Variants in HDAC9 observed in about 807,000 individuals in gnomAD.
HDAC9 encodes the protein MEF-2 interacting transcription repressor (MITR) protein.
HDAC9 carries 41 observed loss-of-function variants against 139.4 expected under a neutral mutation model. That is an observed-to-expected ratio of 0.29 (90% CI 0.23 to 0.38). HDAC9 has a LOEUF of 0.38. Among genes scored for constraint, HDAC9 ranks in the 10% least tolerant of loss-of-function variants. The probability of loss-of-function intolerance (pLI) is 1.00; values close to 1 mark genes in which losing one functional copy is unlikely to be tolerated. For missense variants in HDAC9, 1,147 were observed against 1,297.0 expected (o/e 0.88, Z 1.78); for synonymous variants, 517 against 476.2 (o/e 1.09, Z -1.12).
At chr7:18,098,329 T>C (rs1029844965) in intron 1 of HDAC9, among the ~76,000 whole-genome samples, 2 of 152,238 alleles carry the variant, frequency 1.3e-5, no homozygotes, top group Admixed American at 6.5e-5. Context: ...TTAATTCTTA[T>C]AACAGTATTG....
Position 18,147,507 on chromosome 7 carries a change from C to A in HDAC9, c.-96-14722C>A, listed in dbSNP as rs201011631. 4.6e-5 allele frequency among the ~76,000 whole-genome samples: 7 copies of A among 152,130 alleles called. No individual in the cohort carries two copies. The East Asian group carries it at 1.2e-3, about 25-fold the overall frequency. On this transcript the variant is annotated intron_variant, in intron 1 of 12. Transcript: ENST00000417496. ...GCTGGTGGACACATGGAAAATACAT[C>A]ATTGGAGCATATGTTGTTTATTTTT... is the stretch of plus-strand genomic sequence containing the variant.
intron 6 of HDAC9, among the ~76,000 whole-genome samples, chr7:18,627,217 C>T (rs1012485832): frequency 7.2e-5 from 11 of 152,184 alleles, no homozygotes; most frequent in Non-Finnish European, 1.2e-4. Context: ...AATGCATGGT[C>T]TTTTCTAGTC....
At chr7:18,292,499 A>T (rs772513739) in intron 1 of HDAC9, among the ~76,000 whole-genome samples, 25 of 152,180 alleles carry the variant, frequency 1.6e-4, no homozygotes, top group Non-Finnish European at 2.9e-4. Flanking sequence ...TATTTTCAGA[A>T]TGCCTAATTA....
intron 24 of HDAC9, among the ~76,000 whole-genome samples, chr7:18,965,279 T>C (rs183685710): frequency 2.0e-5 from 3 of 152,314 alleles, no homozygotes; most frequent in Admixed American, 2.0e-4. Flanking sequence ...AGTTTATTAC[T>C]CAATAAAAGT....
intron 6 of HDAC9, among the ~76,000 whole-genome samples, chr7:18,618,591 A>C (rs1429113508): frequency 6.6e-6 from 1 of 151,928 alleles, no homozygotes; most frequent in Admixed American, 6.6e-5. Context: ...TCTCTCACGC[A>C]GTCAGTTCAC....
At chr7:18,289,809 C>T (rs892107246), upstream of HDAC9, among the ~76,000 whole-genome samples, 3 of 152,118 alleles carry the variant, frequency 2.0e-5, no homozygotes, top group Admixed American at 1.3e-4. Flanking sequence ...TCTCATTCAC[C>T]GCAGGCCTTT....
intron 22 of HDAC9, among the ~76,000 whole-genome samples, chr7:18,881,041 A>G (rs530831039): frequency 2.2e-4 from 34 of 152,158 alleles, no homozygotes; most frequent in African/African-American, 7.9e-4. Flanking sequence ...TTCTTAGGGA[A>G]GTACAAAGAT....
chr7:18,929,556 CT>C (rs1804544061), intron 22 of HDAC9, among the ~76,000 whole-genome samples: 1 of 152,088 alleles, frequency 6.6e-6, no homozygotes, highest in South Asian at 2.1e-4. Context: ...ATGTAGGATT[CT>C]TTAGTAGTAG....
At chr7:18,963,060 A>G (rs955597024) in intron 24 of HDAC9, among the ~76,000 whole-genome samples, 3 of 152,198 alleles carry the variant, frequency 2.0e-5, no homozygotes, top group East Asian at 1.9e-4. Context: ...TATAGACACT[A>G]TAACAGGACT....
At chr7:18,879,938 C>A (rs12700006) in intron 22 of HDAC9, among the ~76,000 whole-genome samples, 1 of 152,060 alleles carries the variant, frequency 6.6e-6, no homozygotes, top group Non-Finnish European at 1.5e-5. Flanking sequence ...TATTCAGCAT[C>A]TATAAGGAAC....
At position 18,887,724 on chromosome 7, in the gene HDAC9, A is replaced by T. The variant is rs927962283; in HGVS notation, c.2803+13128A>T. ...ATACTAAGCTATTTAGTTATTTTTA[A>T]ATGTTTAACATAATTATTTTATATT... On this transcript the variant is annotated intron_variant, in intron 22 of 25. Transcript: ENST00000686413. Among the ~76,000 whole-genome samples, 7 of 152,324 alleles carry T rather than the reference A, an allele frequency of 4.6e-5. No individual in the cohort carries two copies. In the South Asian group the frequency reaches 1.5e-3, roughly 32 times the overall value.
intron 14 of HDAC9, among the ~76,000 whole-genome samples, chr7:18,760,797 G>A (rs981600896): frequency 2.6e-5 from 4 of 152,178 alleles, no homozygotes; most frequent in South Asian, 2.1e-4. Context: ...CTCGGCCTCC[G>A]GCCCAGTAAA....
At chr7:18,160,841 C>T (rs1446620259) in intron 1 of HDAC9, among the ~76,000 whole-genome samples, 4 of 152,132 alleles carry the variant, frequency 2.6e-5, no homozygotes, top group South Asian at 2.1e-4. Flanking sequence ...TGGTCTCAAA[C>T]TCCTGACCTC....
chr7:18,459,069 C>G (rs565443844), intron 1 of HDAC9, among the ~76,000 whole-genome samples: 2 of 152,204 alleles, frequency 1.3e-5, no homozygotes, highest in South Asian at 2.1e-4. Context: ...GGTTGCTGTT[C>G]GGAGTTGGCA....
At chr7:18,547,864 C>CCTCCCTCCCTCCCTCCCTCT (rs1488170893) in intron 2 of HDAC9, among the ~76,000 whole-genome samples, 68 of 127,024 alleles carry the variant, frequency 5.4e-4, no homozygotes, top group Non-Finnish European at 1.1e-3. Flanking sequence ...TCCTACCCTC[C>CCTCCCTCCCTCCCTCCCTCT]CTCCCTCCCT....
rs562711056 is a variant in HDAC9, at chr7:18,577,345, C to G, written c.23-7936C>G. On this transcript the variant is annotated intron_variant, in intron 2 of 25. Transcript: ENST00000686413. ...CTTTTTCTTTTCCTGTTCCTGTGTA[C>G]ATGCTCTTCTGCTCTGAGTTCACGT... Among the ~76,000 whole-genome samples the G allele has an allele frequency of 7.9e-5, 12 of 152,296 alleles. No homozygotes were observed. In the South Asian group the frequency reaches 2.5e-3, roughly 32 times the overall value.
At chr7:18,825,735 T>A (rs1380352011) in intron 17 of HDAC9, among the ~76,000 whole-genome samples, 1 of 148,382 alleles carries the variant, frequency 6.7e-6, no homozygotes, top group African/African-American at 2.4e-5. Flanking sequence ...TATATTTGTA[T>A]GTAATTATAA....
intron 1 of HDAC9, among the ~76,000 whole-genome samples, chr7:18,403,795 T>C (rs1331498209): frequency 6.6e-6 from 1 of 152,158 alleles, no homozygotes; most frequent in African/African-American, 2.4e-5. Context: ...CAAATAGTTA[T>C]AGAAGAAAAT....
intron 1 of HDAC9, among the ~76,000 whole-genome samples, chr7:18,137,501 G>T (rs1437967548): frequency 2.6e-5 from 4 of 152,016 alleles, no homozygotes; most frequent in African/African-American, 4.8e-5. Flanking sequence ...TTTATTGAGA[G>T]ATTTTAGCAT....
Sources: allele counts gnomAD v4.1 joint callset (sites outside exome capture counted in the v4.1 genomes callset), GRCh38; gene constraint gnomAD v4.1.1; transcripts MANE v1.5; gene names NCBI Gene and HGNC (gene_info 2026-07-23, HGNC 2026-07-21).